FSTL4: variants seen among roughly 807,000 people sequenced by gnomAD.
FSTL4 encodes the protein follistatin-related protein 4.
Under a neutral mutation model 78.2 loss-of-function variants are expected in FSTL4, and 28 were observed. The observed-to-expected ratio is 0.36, with a 90% CI of 0.27 to 0.49. The LOEUF is 0.49. Ranked by LOEUF, FSTL4 falls within the 20% of genes least tolerant of loss-of-function variation. The pLI, the probability that FSTL4 is intolerant of heterozygous loss-of-function variation, is 0.98. For missense variants in FSTL4, 922 were observed against 1,084.9 expected (o/e 0.85, Z 2.11); for synonymous variants, 422 against 440.5 (o/e 0.96, Z 0.53).
chr5:133,396,112 C>A (rs1047153805), intron 4 of FSTL4, among the ~76,000 whole-genome samples: 5 of 152,128 alleles, frequency 3.3e-5, no homozygotes, highest in Non-Finnish European at 7.3e-5. Flanking sequence ...GAGGACCCAC[C>A]ACCCCTGACC....
chr5:133,530,001 G>C (rs1199376490), intron 3 of FSTL4, among the ~76,000 whole-genome samples: 1 of 152,032 alleles, frequency 6.6e-6, no homozygotes, highest in East Asian at 1.9e-4. Flanking sequence ...CAGCTTTTTG[G>C]AGTGTGACAC....
intron 3 of FSTL4, among the ~76,000 whole-genome samples, chr5:133,499,156 C>T (rs1049502838): frequency 5.9e-5 from 9 of 152,174 alleles, no homozygotes; most frequent in African/African-American, 2.2e-4. Context: ...AACAATTCTT[C>T]TCATGACCAT....
At chr5:133,808,445 C>T in the FSTL4 span, among the ~76,000 whole-genome samples, 1 of 152,214 alleles carries the variant, frequency 6.6e-6, no homozygotes, top group Non-Finnish European at 1.5e-5. Context: ...CCAGACATGA[C>T]TCTTGTCATC....
chr5:133,567,060 C>G (rs937271585), intron 3 of FSTL4, 126 bp downstream of exon 3: 3 of 748,898 alleles, frequency 4.0e-6, no homozygotes, highest in Non-Finnish European at 4.8e-6. Context: ...AGTCAGCACC[C>G]AGAAAAGGCC....
intron 3 of FSTL4, among the ~76,000 whole-genome samples, chr5:133,462,627 A>C (rs1373812771): frequency 1.3e-5 from 2 of 152,198 alleles, no homozygotes; most frequent in African/African-American, 4.8e-5. Context: ...TACCCTGGCC[A>C]GTGAAATGTG....
the FSTL4 span, among the ~76,000 whole-genome samples, chr5:133,793,314 C>T: frequency 2.6e-5 from 4 of 152,250 alleles, no homozygotes; most frequent in East Asian, 5.8e-4. Flanking sequence ...TTGTTATCCC[C>T]GCCATGGGCA....
chr5:133,377,122 C>A (rs28885980), intron 4 of FSTL4, among the ~76,000 whole-genome samples: 11 of 152,128 alleles, frequency 7.2e-5, no homozygotes, highest in African/African-American at 2.7e-4. Flanking sequence ...CAGCTCCAGG[C>A]TGTGGAGACT....
chr5:133,806,815 C>G, the FSTL4 span, among the ~76,000 whole-genome samples: 1 of 152,106 alleles, frequency 6.6e-6, no homozygotes, highest in Non-Finnish European at 1.5e-5. Flanking sequence ...AAGCAGGACT[C>G]GGAGCAACCT....
chr5:133,569,197 T>C (rs115827256), intron 2 of FSTL4, among the ~76,000 whole-genome samples: 2,704 of 152,350 alleles, frequency 0.018, 41 homozygotes, highest in Middle Eastern at 0.031. Context: ...TGAGTATTTA[T>C]GTAATTTGCA....
At chr5:133,512,445 CT>C (rs1241656696) in intron 3 of FSTL4, among the ~76,000 whole-genome samples, 1 of 152,226 alleles carries the variant, frequency 6.6e-6, no homozygotes, top group African/African-American at 2.4e-5. Context: ...TGAAAATCAG[CT>C]ACTGTCCAGT....
At chr5:133,544,322 T>G (rs1759531423) in intron 3 of FSTL4, among the ~76,000 whole-genome samples, 1 of 152,138 alleles carries the variant, frequency 6.6e-6, no homozygotes, top group Admixed American at 6.6e-5. Flanking sequence ...AATCTTTTAT[T>G]TTTTTTTCAG....
intron 4 of FSTL4, among the ~76,000 whole-genome samples, chr5:133,373,611 G>T (rs1020696771): frequency 2.0e-5 from 3 of 152,236 alleles, no homozygotes; most frequent in African/African-American, 2.4e-5. Flanking sequence ...ACACCAGGTT[G>T]GGTGTGTGGG....
chr5:133,322,740 A>G (rs1223016019), intron 4 of FSTL4, among the ~76,000 whole-genome samples: 1 of 152,154 alleles, frequency 6.6e-6, no homozygotes, highest in Non-Finnish European at 1.5e-5. Context: ...GGACCTCCCA[A>G]ATGAGGACTG....
At chr5:133,248,036 C>T (rs1033903792) in intron 7 of FSTL4, 1 of 152,260 alleles carries the variant, frequency 6.6e-6, no homozygotes, top group South Asian at 2.1e-4. Flanking sequence ...GTTTAGCTGC[C>T]CTCTTGTGGC....
In FSTL4 at chr5:133,340,352, G is replaced by A. The variant is rs139146223; in HGVS notation, c.410-23700C>T. ...AGTGTGGGGTGTGTGGAAGGTTCTG[G>A]GGGTCAATCTCTCTCCAGAGGAAAC... On this transcript the variant is annotated intron_variant, in intron 4 of 15. Coordinates refer to ENST00000265342, the MANE Select transcript of FSTL4 (RefSeq NM_015082.2). Among the ~76,000 whole-genome samples, 715 of 152,164 alleles carry A rather than the reference G, an allele frequency of 4.7e-3. 10 individuals are homozygous for A. Among genetic ancestry groups the A allele is most frequent in the African/African-American group, 0.016 (666 of 41,502 alleles).
chr5:133,639,036 C>T, the FSTL4 span, among the ~76,000 whole-genome samples: 1 of 152,044 alleles, frequency 6.6e-6, no homozygotes, highest in African/African-American at 2.4e-5. Flanking sequence ...CATTGGTATA[C>T]ATGTGCCATG....
chr5:133,517,751 G>T (rs1030128983), intron 3 of FSTL4, among the ~76,000 whole-genome samples: 6 of 151,780 alleles, frequency 4.0e-5, no homozygotes, highest in African/African-American at 1.5e-4. Flanking sequence ...TCCCAGAAAA[G>T]AGTTGATGTT....
At chr5:133,204,131 A>C (rs745400440) in intron 14 of FSTL4, among the ~76,000 whole-genome samples, 2 of 152,304 alleles carry the variant, frequency 1.3e-5, no homozygotes, top group East Asian at 1.9e-4. Flanking sequence ...CCAGCTGGGA[A>C]GTGGCATGTG....
At chr5:133,701,402 CAAAA>C in the FSTL4 span, among the ~76,000 whole-genome samples, 7 of 94,934 alleles carry the variant, frequency 7.4e-5, no homozygotes, top group African/African-American at 2.8e-4. Flanking sequence ...GAGTCAGTCT[CAAAA>C]AAAAAAAAAA....
Sources: gnomAD v4.1 joint callset for allele counts (sites outside exome capture counted in the v4.1 genomes callset) on GRCh38, gnomAD v4.1.1 for gene constraint, MANE v1.5 for transcripts, NCBI Gene and HGNC (gene_info 2026-07-23, HGNC 2026-07-21) for gene names.